DCC: variants seen among roughly 807,000 people sequenced by gnomAD.
DCC encodes the protein DCC netrin 1 receptor.
In DCC, 58 loss-of-function variants were observed where a neutral mutation model predicts 172.5. That is an observed-to-expected ratio of 0.34 (90% CI 0.27 to 0.42). The LOEUF is 0.42. DCC is among the 10% of genes least tolerant of loss of function. The pLI is 1.00. For missense variants in DCC, 1,740 were observed against 1,791.0 expected, an observed-to-expected ratio of 0.97 and a Z score of 0.51; for synonymous variants, 709 against 644.5, an observed-to-expected ratio of 1.10 and a Z score of -1.52.
intron 2 of DCC, among the ~76,000 whole-genome samples, chr18:52,774,437 C>T (rs1181429937): frequency 6.6e-6 from 1 of 152,212 alleles, no homozygotes; most frequent in Non-Finnish European, 1.5e-5. Flanking sequence ...ATATCTAATT[C>T]TATCGCTGTA....
chr18:52,480,686 G>A (rs1208122080), intron 1 of DCC, among the ~76,000 whole-genome samples: 1 of 152,100 alleles, frequency 6.6e-6, no homozygotes, highest in Non-Finnish European at 1.5e-5. Flanking sequence ...ATGCAAGAAA[G>A]GTGTCTTTGT....
intron 12 of DCC, among the ~76,000 whole-genome samples, chr18:53,223,471 T>G (rs559428173): frequency 8.5e-5 from 13 of 152,250 alleles, no homozygotes; most frequent in African/African-American, 2.9e-4. Context: ...AGCCTTTCCA[T>G]GAAGTTTAAT....
rs185550680 is a variant in DCC at position 53,524,739 on chromosome 18, A to G, written c.4112-1878A>G. ...TGTTCATTTATGTTGCTTCCTCAAAAAACCCATGTAAATTGGATGGGCTAG... is the reference window on the plus strand; with the variant it reads ...TGTTCATTTATGTTGCTTCCTCAAAGAACCCATGTAAATTGGATGGGCTAG... On this transcript the variant is annotated intron_variant, in intron 27 of 28. Transcript: ENST00000442544. Among the ~76,000 whole-genome samples, 11 of 152,136 alleles carry G rather than the reference A, an allele frequency of 7.2e-5. No individual in the cohort carries two copies. In the East Asian group the frequency reaches 2.1e-3, roughly 29 times the overall value.
At chr18:52,759,449 T>A (rs933358696) in intron 2 of DCC, among the ~76,000 whole-genome samples, 3 of 152,228 alleles carry the variant, frequency 2.0e-5, no homozygotes, top group Non-Finnish European at 4.4e-5. Flanking sequence ...TTGTTATGAA[T>A]TCTAATTCAT....
intron 22 of DCC, among the ~76,000 whole-genome samples, chr18:53,443,244 G>A (rs961983776): frequency 5.3e-5 from 8 of 152,168 alleles, no homozygotes; most frequent in Non-Finnish European, 1.2e-4. Flanking sequence ...AGGGTATAGT[G>A]CAGCTGGATT....
At chr18:52,789,481 T>C (rs1438586266) in intron 2 of DCC, among the ~76,000 whole-genome samples, 1 of 152,198 alleles carries the variant, frequency 6.6e-6, no homozygotes, top group Non-Finnish European at 1.5e-5. Context: ...AGAACTTGGA[T>C]ATCTGCTTTG....
intron 1 of DCC, among the ~76,000 whole-genome samples, chr18:52,572,557 C>T (rs1367436681): frequency 2.0e-5 from 3 of 152,158 alleles, no homozygotes; most frequent in South Asian, 2.1e-4. Flanking sequence ...AGTCCAGGCA[C>T]CTGCAGTTGA....
intron 1 of DCC, among the ~76,000 whole-genome samples, chr18:52,590,468 A>C (rs899731764): frequency 1.3e-5 from 2 of 152,228 alleles, no homozygotes; most frequent in Non-Finnish European, 2.9e-5. Context: ...CTACATGAAT[A>C]AATAATATTT....
intron 12 of DCC, among the ~76,000 whole-genome samples, chr18:53,261,045 G>A (rs185624031): frequency 5.9e-5 from 9 of 152,246 alleles, no homozygotes; most frequent in East Asian, 1.9e-4. Context: ...TGCTAAGACC[G>A]TTGGAAAAGT....
chr18:52,848,120 CTG>C (rs2038923619), intron 2 of DCC, among the ~76,000 whole-genome samples: 3 of 133,622 alleles, frequency 2.2e-5, no homozygotes, highest in Non-Finnish European at 4.7e-5. Flanking sequence ...GATTCTCACT[CTG>C]TTGCCCAGGC....
At chr18:52,946,016 C>G (rs979925145) in intron 5 of DCC, among the ~76,000 whole-genome samples, 4 of 152,154 alleles carry the variant, frequency 2.6e-5, no homozygotes, top group African/African-American at 9.7e-5. Context: ...CTCTTCAGGT[C>G]ACAGTTCCCC....
intron 12 of DCC, among the ~76,000 whole-genome samples, chr18:53,255,253 T>C (rs1216805532): frequency 6.6e-5 from 10 of 151,822 alleles, no homozygotes; most frequent in Non-Finnish European, 1.5e-5. Context: ...TTAGGGTACA[T>C]GTGCACAACA....
At chr18:53,338,913 A>T (rs538450566) in intron 14 of DCC, among the ~76,000 whole-genome samples, 1 of 152,334 alleles carries the variant, frequency 6.6e-6, no homozygotes, top group Admixed American at 6.5e-5. Flanking sequence ...CTTAGAGAGG[A>T]TAAATGATAT....
intron 5 of DCC, among the ~76,000 whole-genome samples, chr18:53,049,706 G>GT (rs919602300): frequency 3.4e-4 from 51 of 151,298 alleles, no homozygotes; most frequent in East Asian, 1.8e-3. Context: ...TTTTAAAATA[G>GT]TTTTTTTTTC....
chr18:52,356,564 G>T (rs1984372360), intron 1 of DCC, among the ~76,000 whole-genome samples: 1 of 151,998 alleles, frequency 6.6e-6, no homozygotes, highest in African/African-American at 2.4e-5. Flanking sequence ...ATTAATAATT[G>T]ATAAATTATT....
chr18:52,800,996 C>G (rs139856776), intron 2 of DCC, among the ~76,000 whole-genome samples: 1 of 152,234 alleles, frequency 6.6e-6, no homozygotes, highest in East Asian at 1.9e-4. Context: ...TTCAGGTAGT[C>G]TCATCCTCTG....
intron 1 of DCC, among the ~76,000 whole-genome samples, chr18:52,356,675 G>A (rs1040616085): frequency 1.3e-5 from 2 of 152,100 alleles, no homozygotes; most frequent in African/African-American, 2.4e-5. Context: ...TATCAAGTGG[G>A]CAAAATGGCT....
intron 21 of DCC, among the ~76,000 whole-genome samples, chr18:53,425,700 C>A (rs1440875724): frequency 6.6e-6 from 1 of 152,014 alleles, no homozygotes; most frequent in East Asian, 1.9e-4. Flanking sequence ...ACCTATAATG[C>A]TAAAATCATC....
intron 7 of DCC, among the ~76,000 whole-genome samples, chr18:53,122,523 A>T (rs566646459): frequency 3.3e-5 from 5 of 151,834 alleles, no homozygotes; most frequent in Admixed American, 1.3e-4. Context: ...ATTTTTTTTC[A>T]GCTGATTCTT....
Sources: allele counts gnomAD v4.1 joint callset (sites outside exome capture counted in the v4.1 genomes callset), GRCh38; gene constraint gnomAD v4.1.1; transcripts MANE v1.5; gene names NCBI Gene and HGNC (gene_info 2026-07-23, HGNC 2026-07-21).